RYR2: variants seen among roughly 807,000 people sequenced by gnomAD.
RYR2 encodes cardiac muscle ryanodine receptor-calcium release channel.
A neutral mutation model predicts 601.1 loss-of-function variants in RYR2; 227 were observed. The ratio of observed to expected loss-of-function variants is 0.38; its 90% CI spans 0.34 to 0.42. The LOEUF (loss-of-function observed/expected upper bound fraction) is 0.42, where lower values mean the gene tolerates loss of function less well. RYR2 is among the 10% of genes least tolerant of loss of function. The pLI, the probability that RYR2 is intolerant of heterozygous loss-of-function variation, is 1.00. For synonymous variants in RYR2, 2,223 were observed against 2,175.1 expected (o/e 1.02, Z -0.61); for missense variants, 4,646 against 6,156.5 (o/e 0.75, Z 8.21).
intron 96 of RYR2, among the ~76,000 whole-genome samples, chr1:237,797,345 G>A (rs532671819): frequency 1.3e-5 from 2 of 152,094 alleles, no homozygotes; most frequent in African/African-American, 4.8e-5. Flanking sequence ...TTAAAATGAG[G>A]ATGGTGACAA....
intron 1 of RYR2, among the ~76,000 whole-genome samples, chr1:237,168,249 C>T (rs929211581): frequency 1.3e-5 from 2 of 149,458 alleles, no homozygotes; most frequent in African/African-American, 2.5e-5. Context: ...GGGCATTAAT[C>T]GTTAAATGTT....
intron 10 of RYR2, among the ~76,000 whole-genome samples, chr1:237,407,451 C>T (rs987485193): frequency 1.3e-5 from 2 of 152,112 alleles, no homozygotes; most frequent in African/African-American, 4.8e-5. Flanking sequence ...TTTAATGTTG[C>T]AGTATTCCAG....
chr1:237,617,197 A>G, intron 37 of RYR2, 89 bp from the exon 38 acceptor site: 1 of 1,206,434 alleles, frequency 8.3e-7, no homozygotes, highest in Non-Finnish European at 1.2e-6. Context: ...AGAGTAGGCA[A>G]CTAAGGATGT....
intron 43 of RYR2, 115 bp downstream of exon 43, chr1:237,633,825 G>T (rs1680588966): frequency 9.5e-7 from 1 of 1,047,960 alleles, no homozygotes; most frequent in South Asian, 1.9e-5. Flanking sequence ...TTTCACAAAA[G>T]AAGACAGATA....
At chr1:237,113,518 C>G (rs1197067024) in intron 1 of RYR2, among the ~76,000 whole-genome samples, 1 of 152,228 alleles carries the variant, frequency 6.6e-6, no homozygotes, top group Non-Finnish European at 1.5e-5. Context: ...TTTTAGAAGA[C>G]TCTGTCCCAT....
intron 1 of RYR2, among the ~76,000 whole-genome samples, chr1:237,116,722 G>T (rs1572690872): frequency 1.3e-5 from 2 of 152,148 alleles, no homozygotes; most frequent in Admixed American, 6.5e-5. Context: ...CAGGGGAGCT[G>T]ATAGTGTAAA....
intron 60 of RYR2, 102 bp downstream of exon 60, chr1:237,674,948 G>A: frequency 1.7e-6 from 1 of 576,252 alleles, no homozygotes; most frequent in Non-Finnish European, 3.0e-6. Flanking sequence ...TATTTGTGAT[G>A]GTATAAACCC....
Position 237,364,315 on chromosome 1 carries a change from G to A in RYR2, c.295-43G>A, listed in dbSNP as rs74877254. The A allele has an allele frequency of 1.2e-3, 1,916 of 1,549,542 alleles. 15 individuals carry two copies. The highest frequency in any genetic ancestry group is 9.6e-3 in the African/African-American group (702 of 73,026). ...TATTTTTAAGGAAGTCTTTGAGATC[G>A]TGTCTATTTAATGTTTCCTCTCTTT... On this transcript the variant is annotated intron_variant, in intron 4 of 104. Transcript: ENST00000366574.
At chr1:237,561,592 T>C (rs1434448524) in intron 27 of RYR2, among the ~76,000 whole-genome samples, 1 of 152,136 alleles carries the variant, frequency 6.6e-6, no homozygotes, top group Non-Finnish European at 1.5e-5. Flanking sequence ...GGGTAGATGG[T>C]CCACTTAGGA....
At chr1:237,595,381 C>A in intron 33 of RYR2, 117 bp from the exon 34 acceptor site, 1 of 1,198,036 alleles carries the variant, frequency 8.3e-7, no homozygotes, top group Non-Finnish European at 1.2e-6. Context: ...GTGCACCTCT[C>A]CCATTACAGC....
At chr1:237,623,917 T>C (rs755410973) in intron 39 of RYR2, 47 bp downstream of exon 39, 11 of 1,250,392 alleles carry the variant, frequency 8.8e-6, no homozygotes, top group South Asian at 1.2e-5. Context: ...ATGTTTTTAA[T>C]CCATATATCC....
chr1:237,253,983 C>T (rs148600431), intron 1 of RYR2, among the ~76,000 whole-genome samples: 150 of 152,284 alleles, frequency 9.9e-4, no homozygotes, highest in African/African-American at 3.4e-3. Context: ...TTTTCAAAAG[C>T]ACATCTATGA....
At chr1:237,099,950 G>T (rs770799998) in intron 1 of RYR2, among the ~76,000 whole-genome samples, 3 of 152,202 alleles carry the variant, frequency 2.0e-5, no homozygotes, top group Non-Finnish European at 2.9e-5. Flanking sequence ...TGAACCCAGC[G>T]GAGGGGCTCT....
At chr1:237,425,803 C>T (rs768115833) in intron 12 of RYR2, among the ~76,000 whole-genome samples, 11 of 151,984 alleles carry the variant, frequency 7.2e-5, no homozygotes, top group Non-Finnish European at 2.9e-5. Flanking sequence ...AAGGAAAATG[C>T]ATGTATAAGT....
At chr1:237,366,402 A>G (rs1433787933) in intron 5 of RYR2, among the ~76,000 whole-genome samples, 1 of 152,018 alleles carries the variant, frequency 6.6e-6, no homozygotes, top group South Asian at 2.1e-4. Context: ...GTGATTCACT[A>G]CTTATTTTAT....
chr1:237,242,856 A>G (rs1173591961), intron 1 of RYR2, among the ~76,000 whole-genome samples: 3 of 152,156 alleles, frequency 2.0e-5, no homozygotes, highest in African/African-American at 4.8e-5. Context: ...TTTTGGATGT[A>G]CGTGCAGAAA....
chr1:237,696,825 A>G (rs1687493797), intron 63 of RYR2, among the ~76,000 whole-genome samples: 1 of 152,094 alleles, frequency 6.6e-6, no homozygotes, highest in Non-Finnish European at 1.5e-5. Flanking sequence ...TATATTCTCA[A>G]GTTCTTCACC....
intron 92 of RYR2, among the ~76,000 whole-genome samples, chr1:237,790,379 C>T (rs114985118): frequency 0.01 from 1,551 of 152,152 alleles, 34 homozygotes; most frequent in African/African-American, 0.035. Context: ...TCCAATCCAC[C>T]ACCATGAACC....
At chr1:237,687,363 C>CTTTTTTTTTTT (rs200738727) in intron 62 of RYR2, 92 bp from the exon 63 acceptor site, 30 of 452,814 alleles carry the variant, frequency 6.6e-5, no homozygotes, top group South Asian at 1.8e-4. Context: ...CTTTTTTCTT[C>CTTTTTTTTTTT]TTCTTTTTTT....
Sources: allele counts gnomAD v4.1 joint callset (sites outside exome capture counted in the v4.1 genomes callset), GRCh38; gene constraint gnomAD v4.1.1; transcripts MANE v1.5; gene names NCBI Gene and HGNC (gene_info 2026-07-23, HGNC 2026-07-21).